Variants in SIAH2 observed in about 807,000 individuals in gnomAD.
The protein encoded by SIAH2 is siah E3 ubiquitin protein ligase 2.
SIAH2 carries 4 observed loss-of-function variants against 20.4 expected under a neutral mutation model. The observed-to-expected ratio is 0.20, with a 90% CI of 0.10 to 0.45. The LOEUF (loss-of-function observed/expected upper bound fraction) is 0.45. Among genes scored for constraint, SIAH2 ranks in the 20% least tolerant of loss-of-function variants. SIAH2 has a pLI of 0.99. For missense variants in SIAH2, 259 were observed against 440.3 expected, an observed-to-expected ratio of 0.59 and a Z score of 3.69; for synonymous variants, 171 against 192.5, an observed-to-expected ratio of 0.89 and a Z score of 0.93.
At chr3:150,747,228 G>C (rs1328232892) in intron 1 of SIAH2, among the ~76,000 whole-genome samples, 3 of 152,248 alleles carry the variant, frequency 2.0e-5, no homozygotes, top group Non-Finnish European at 4.4e-5. Flanking sequence ...TGCAAGGAGA[G>C]AAAAACAGCC....
rs1714128814 is a variant in SIAH2 at position 150,742,984 on chromosome 3, C to T, written c.418-286G>A. 6.6e-6 allele frequency among the ~76,000 whole-genome samples: 1 copy of T among 152,234 alleles called. No individual in the cohort carries two copies. The highest frequency in any genetic ancestry group is 1.5e-5 in the Non-Finnish European group (1 of 68,038). The stretch of plus-strand genomic sequence containing the variant: ...AGAACTAAAGTTCTCTTACTGTGCA[C>T]ATCTCAAAATTGTTGAGCAAGCCCT... On this transcript the variant is annotated intron_variant, in intron 1 of 1. Coordinates refer to ENST00000312960, the MANE Select transcript of SIAH2 (RefSeq NM_005067.7). The surrounding 1 kb of genome is among the most constrained non-coding windows in gnomAD (Gnocchi z 4.8).
chr3:150,749,344 T>TA (rs374136926), intron 1 of SIAH2, among the ~76,000 whole-genome samples: 100 of 144,264 alleles, frequency 6.9e-4, no homozygotes, highest in South Asian at 2.0e-3. Flanking sequence ...TATAAAAAGT[T>TA]AAAAAAAAAA....
In SIAH2 at chr3:150,762,889, G is replaced by A; in HGVS notation, c.-40C>T. 4.3e-6 allele frequency: 5 copies of A among 1,156,624 alleles called. No homozygotes were observed. Among genetic ancestry groups the A allele is most frequent in the Non-Finnish European group, 5.4e-6 (5 of 930,046 alleles). The allele number at this position is 1,156,624 out of a possible 1,614,324, so 71.6% of individuals were successfully genotyped here. On this transcript the variant is annotated 5_prime_UTR_variant, in exon 1 of 2. Transcript: ENST00000312960. This position sits in a 1 kb window ranked among gnomAD's most constrained non-coding sequence, Gnocchi z 6.6. Reference sequence around the variant, plus strand: ...ACCATGGAACTGCGGGCGCCTGCCTGCCGCGGGGCCGCCCGGGTCAAGGCG... The same window carrying A: ...ACCATGGAACTGCGGGCGCCTGCCTACCGCGGGGCCGCCCGGGTCAAGGCG...
chr3:150,743,745 A>G (rs968663589), intron 1 of SIAH2, among the ~76,000 whole-genome samples: 2 of 152,222 alleles, frequency 1.3e-5, no homozygotes, highest in African/African-American at 2.4e-5. Context: ...GACTCTCACA[A>G]GGATGACAGT....
intron 1 of SIAH2, among the ~76,000 whole-genome samples, chr3:150,758,736 A>ATT (rs1249931879): frequency 1.0e-4 from 11 of 108,856 alleles, no homozygotes; most frequent in African/African-American, 1.4e-4. Context: ...ACACCTGGCT[A>ATT]TTTTTTTTTT....
chr3:150,749,183 G>A (rs527430920), intron 1 of SIAH2, among the ~76,000 whole-genome samples: 66 of 152,268 alleles, frequency 4.3e-4, no homozygotes, highest in African/African-American at 1.6e-3. Context: ...TGCAACTGCT[G>A]TGTAAGTATG....
In SIAH2 at chr3:150,754,806, T is replaced by A. The variant is rs1714448272; in HGVS notation, c.417+7627A>T. On this transcript the variant is annotated intron_variant, in intron 1 of 1. Coordinates refer to ENST00000312960, the MANE Select transcript of SIAH2 (RefSeq NM_005067.7). ...AAAATGCTGCTTAATCTAACCAGTT[T>A]TCCCTCTCAAAAAATTTAAAGAAAT... Among the ~76,000 whole-genome samples, 2 of 152,092 alleles carry A rather than the reference T, an allele frequency of 1.3e-5. 1 individual carries two copies. The highest frequency in any genetic ancestry group is 4.1e-4 in the South Asian group (2 of 4,822).
At chr3:150,753,524 T>C (rs1215811257) in intron 1 of SIAH2, among the ~76,000 whole-genome samples, 1 of 152,206 alleles carries the variant, frequency 6.6e-6, no homozygotes, top group East Asian at 1.9e-4. Flanking sequence ...AGGCCGGGTG[T>C]GGCGGCTCAT....
At chr3:150,748,057 T>C (rs1397522621) in intron 1 of SIAH2, among the ~76,000 whole-genome samples, 1 of 152,134 alleles carries the variant, frequency 6.6e-6, no homozygotes, top group African/African-American at 2.4e-5. Context: ...CTAACTTCTC[T>C]TTACAAACTT....
At chr3:150,760,743 G>A (rs566692781) in intron 1 of SIAH2, among the ~76,000 whole-genome samples, 1 of 152,324 alleles carries the variant, frequency 6.6e-6, no homozygotes, top group South Asian at 2.1e-4. Context: ...GTGAGAAAAT[G>A]GCTCCCCAGA....
chr3:150,761,979 C>G (rs1342181417), intron 1 of SIAH2: 1 of 164,872 alleles, frequency 6.1e-6, no homozygotes, highest in Non-Finnish European at 1.3e-5. Flanking sequence ...GGTGCGCAGA[C>G]GGTAGGCGCG....
At chr3:150,746,990 G>A (rs1006383111) in intron 1 of SIAH2, among the ~76,000 whole-genome samples, 1 of 152,258 alleles carries the variant, frequency 6.6e-6, no homozygotes. Flanking sequence ...GGGCCCTGTG[G>A]TCATTTGTGG....
chr3:150,742,000 A>G lies in SIAH2; in HGVS notation c.*141T>C. On this transcript the variant is annotated 3_prime_UTR_variant, in exon 2 of 2. Coordinates refer to ENST00000312960, the MANE Select transcript of SIAH2 (RefSeq NM_005067.7). ...ATGAACTTTGTTGGGTCGAAGCCAG[A>G]TGGGACACTGCTGTTCAAACAAAAC... 1 of 810,214 alleles carries G rather than the reference A, an allele frequency of 1.2e-6. No homozygotes were observed. The highest frequency in any genetic ancestry group is 1.9e-6 in the Non-Finnish European group (1 of 516,258). The allele number at this position is 810,214 out of a possible 1,614,324, so 50.2% of individuals were successfully genotyped here.
chr3:150,747,625 A>T (rs191232638), intron 1 of SIAH2, among the ~76,000 whole-genome samples: 57 of 151,816 alleles, frequency 3.8e-4, no homozygotes, highest in Non-Finnish European at 5.3e-4. Flanking sequence ...ACACACACAC[A>T]CTCTGAAAAC....
chr3:150,754,068 T>G (rs1714429372), intron 1 of SIAH2, among the ~76,000 whole-genome samples: 1 of 152,194 alleles, frequency 6.6e-6, no homozygotes, highest in African/African-American at 2.4e-5. Flanking sequence ...AGAAAAGCAG[T>G]CACGATGTGT....
At chr3:150,761,787 T>C (rs1369152252) in intron 1 of SIAH2, 1 of 152,264 alleles carries the variant, frequency 6.6e-6, no homozygotes, top group Admixed American at 6.5e-5. Flanking sequence ...TGTTAATTTC[T>C]TGATTGACTG....
intron 1 of SIAH2, among the ~76,000 whole-genome samples, chr3:150,756,442 T>G (rs1315466021): frequency 2.0e-5 from 3 of 152,232 alleles, no homozygotes; most frequent in African/African-American, 7.2e-5. Context: ...GCTTAAGACA[T>G]TTTACAGTGA....
At chr3:150,755,093 G>C (rs1299930197) in intron 1 of SIAH2, among the ~76,000 whole-genome samples, 1 of 151,960 alleles carries the variant, frequency 6.6e-6, no homozygotes, top group Non-Finnish European at 1.5e-5. Flanking sequence ...TAGTGTGTTT[G>C]GTCCTCAAGG....
In SIAH2 at chr3:150,742,656, TC is replaced by T; in HGVS notation, c.459del (p.Lys154AsnfsTer31). The T allele has an allele frequency of 6.3e-7, 1 of 1,578,044 alleles. No individual in the cohort carries two copies. The highest frequency in any genetic ancestry group is 8.6e-7 in the Non-Finnish European group (1 of 1,159,846). On this transcript the variant is annotated frameshift_variant, in exon 2 of 2. Coordinates refer to ENST00000312960, the MANE Select transcript of SIAH2 (RefSeq NM_005067.7). LOFTEE classifies it high-confidence loss of function. This position sits in a 1 kb window ranked among gnomAD's most constrained non-coding sequence, Gnocchi z 4.8. ...TCACATATGTCTTCATGTTCTGGTT[TC>T]TCCGTATGGTGCAGGGTCAGGGAAC... ...TGCSLTLHHT[E>X]KPEHEDICEY...
Sources: gnomAD v4.1 joint callset for allele counts (sites outside exome capture counted in the v4.1 genomes callset) on GRCh38, gnomAD v4.1.1 for gene constraint, Gnocchi (gnomAD v3.1) non-coding constraint, MANE v1.5 for transcripts, NCBI Gene and HGNC (gene_info 2026-07-23, HGNC 2026-07-21) for gene names.